Variants in ADAMTSL1 observed in about 807,000 individuals in gnomAD.
ADAMTSL1 encodes ADAMTS like 1, also known as ADAMTS-like protein 1.
A neutral mutation model predicts 201.8 loss-of-function variants in ADAMTSL1; 126 were observed. The observed-to-expected ratio is 0.62, with a 90% CI of 0.54 to 0.72. The LOEUF is 0.72. ADAMTSL1 is among the 30% of genes least tolerant of loss of function. ADAMTSL1 has a pLI of 0.00. For missense variants in ADAMTSL1, 2,679 were observed against 2,277.8 expected (o/e 1.18, Z -3.59); for synonymous variants, 1,121 against 903.4 (o/e 1.24, Z -4.32).
chr9:18,904,633 CAAAAAA>C (rs71333072), intron 26 of ADAMTSL1, among the ~76,000 whole-genome samples: 11 of 15,000 alleles, frequency 7.3e-4, no homozygotes, highest in East Asian at 2.9e-3. Context: ...GACCCTGCCT[CAAAAAA>C]AAAAAAAAAA....
intron 2 of ADAMTSL1, among the ~76,000 whole-genome samples, chr9:18,411,964 C>G (rs1818462941): frequency 6.6e-6 from 1 of 152,196 alleles, no homozygotes; most frequent in Non-Finnish European, 1.5e-5. Flanking sequence ...GATTGATACA[C>G]TGGAAATTGC....
At chr9:18,265,256 C>CGT (rs1832078346) in intron 2 of ADAMTSL1, among the ~76,000 whole-genome samples, 1 of 152,020 alleles carries the variant, frequency 6.6e-6, no homozygotes, top group Non-Finnish European at 1.5e-5. Flanking sequence ...CTCTTCTTCC[C>CGT]GGATACTCTT....
At chr9:18,172,059 A>G (rs1827920603) in intron 2 of ADAMTSL1, among the ~76,000 whole-genome samples, 1 of 147,914 alleles carries the variant, frequency 6.8e-6, no homozygotes, top group African/African-American at 2.5e-5. Flanking sequence ...GTTCTCACTC[A>G]TAAGTGGGAG....
intron 2 of ADAMTSL1, among the ~76,000 whole-genome samples, chr9:18,300,337 C>T (rs1390668028): frequency 6.6e-6 from 1 of 152,044 alleles, no homozygotes; most frequent in Non-Finnish European, 1.5e-5. Flanking sequence ...TGGAAACCAT[C>T]ATTGTCAGCA....
At chr9:18,504,753 G>A in intron 1 of ADAMTSL1, 76 bp from the exon 2 acceptor site, 2 of 1,605,066 alleles carry the variant, frequency 1.2e-6, no homozygotes, top group Non-Finnish European at 1.7e-6. Context: ...ACACGTACAG[G>A]CCAGTCACAT....
At chr9:18,259,433 G>A (rs1433052182) in intron 2 of ADAMTSL1, among the ~76,000 whole-genome samples, 1 of 151,536 alleles carries the variant, frequency 6.6e-6, no homozygotes, top group Non-Finnish European at 1.5e-5. Flanking sequence ...GCTGAGGTGA[G>A]CCCGGGAGGC....
chr9:17,975,122 A>G (rs1020583853), intron 1 of ADAMTSL1, among the ~76,000 whole-genome samples: 1 of 152,020 alleles, frequency 6.6e-6, no homozygotes, highest in African/African-American at 2.4e-5. Flanking sequence ...TCGTGATGTC[A>G]AGCATCTTTT....
chr9:18,563,883 G>T (rs1430782179), intron 3 of ADAMTSL1, among the ~76,000 whole-genome samples: 1 of 152,210 alleles, frequency 6.6e-6, no homozygotes, highest in Non-Finnish European at 1.5e-5. Flanking sequence ...CAGCATTTCA[G>T]GTCGACTTCA....
intron 1 of ADAMTSL1, among the ~76,000 whole-genome samples, chr9:18,057,109 C>A (rs959285169): frequency 1.3e-5 from 2 of 152,192 alleles, no homozygotes; most frequent in Non-Finnish European, 2.9e-5. Flanking sequence ...CTAGGTACAG[C>A]AGAGACCTTC....
At chr9:18,185,011 A>G (rs945732602) in intron 2 of ADAMTSL1, among the ~76,000 whole-genome samples, 10 of 152,164 alleles carry the variant, frequency 6.6e-5, no homozygotes, top group African/African-American at 2.4e-4. Context: ...GATTGGCACC[A>G]GAAGTCTTTT....
chr9:18,446,502 G>A (rs1438186007), intron 2 of ADAMTSL1, among the ~76,000 whole-genome samples: 2 of 152,242 alleles, frequency 1.3e-5, no homozygotes, highest in Non-Finnish European at 2.9e-5. Flanking sequence ...ATCACAAAAT[G>A]TCAACCAGCA....
intron 23 of ADAMTSL1, among the ~76,000 whole-genome samples, chr9:18,871,860 C>G (rs968098800): frequency 6.6e-6 from 1 of 152,172 alleles, no homozygotes; most frequent in African/African-American, 2.4e-5. Flanking sequence ...ACCACCTTAA[C>G]GATCCTTCTA....
At chr9:18,190,612 G>A (rs1828932004) in intron 2 of ADAMTSL1, among the ~76,000 whole-genome samples, 1 of 152,178 alleles carries the variant, frequency 6.6e-6, no homozygotes, top group South Asian at 2.1e-4. Context: ...TCTAACAGCA[G>A]CTTTCTCCAA....
intron 2 of ADAMTSL1, among the ~76,000 whole-genome samples, chr9:18,305,061 C>A (rs7045652): frequency 0.42 from 64,032 of 151,776 alleles, 14,053 homozygotes; most frequent in Admixed American, 0.58. Flanking sequence ...GGATGGGGAG[C>A]TGAAGCAGGG....
intron 2 of ADAMTSL1, among the ~76,000 whole-genome samples, chr9:18,279,798 GC>G (rs1337966115): frequency 1.8e-4 from 27 of 152,286 alleles, no homozygotes; most frequent in Non-Finnish European, 1.3e-4. Flanking sequence ...ATCTTGTGGG[GC>G]TCACAGGTGC....
intron 2 of ADAMTSL1, among the ~76,000 whole-genome samples, chr9:18,458,781 T>A (rs1324939217): frequency 4.6e-5 from 7 of 152,178 alleles, no homozygotes; most frequent in Admixed American, 4.6e-4. Flanking sequence ...GGGTAATTTG[T>A]TTTTTAAAAA....
chr9:18,388,681 C>G (rs1157055462), intron 2 of ADAMTSL1, among the ~76,000 whole-genome samples: 1 of 149,674 alleles, frequency 6.7e-6, no homozygotes, highest in African/African-American at 2.5e-5. Flanking sequence ...CTCCTTTTTT[C>G]CTCTCTACTG....
chr9:18,388,378 A>G lies in ADAMTSL1; in HGVS notation c.208-116451A>G, dbSNP rs139951449. Among the ~76,000 whole-genome samples, 664 of 152,048 alleles carry G rather than the reference A, an allele frequency of 4.4e-3. 6 individuals carry two copies. Among genetic ancestry groups the G allele is most frequent in the African/African-American group, 0.016 (645 of 41,474 alleles). On this transcript the variant is annotated intron_variant, in intron 2 of 29. Transcript: ENST00000680146. ...AGCCCTTACCTCCTCGGTTCAAGCA[A>G]TTCTTCCACCTCTGCCTCCTGAGTA...
intron 2 of ADAMTSL1, among the ~76,000 whole-genome samples, chr9:18,324,093 C>T (rs1487697310): frequency 6.6e-6 from 1 of 152,030 alleles, no homozygotes; most frequent in Non-Finnish European, 1.5e-5. Context: ...GTAATAAAGG[C>T]AGTGTGATAT....
Sources: gnomAD v4.1 joint callset for allele counts (sites outside exome capture counted in the v4.1 genomes callset) on GRCh38, gnomAD v4.1.1 for gene constraint, MANE v1.5 for transcripts, NCBI Gene and HGNC (gene_info 2026-07-23, HGNC 2026-07-21) for gene names.